Variants in SSBP2 observed in about 807,000 individuals in gnomAD.
SSBP2 encodes the protein single-stranded DNA-binding protein 2.
SSBP2 carries 17 observed loss-of-function variants against 61.8 expected under a neutral mutation model. That is an observed-to-expected ratio of 0.28 (90% CI 0.19 to 0.41). SSBP2 has a LOEUF of 0.41. SSBP2 is among the 10% of genes least tolerant of loss of function. The pLI, the probability that SSBP2 is intolerant of heterozygous loss-of-function variation, is 1.00. For missense variants in SSBP2, 310 were observed against 458.7 expected (o/e 0.68, Z 2.96); for synonymous variants, 139 against 141.3 (o/e 0.98, Z 0.12).
intron 4 of SSBP2, among the ~76,000 whole-genome samples, chr5:81,518,571 T>G (rs1001957393): frequency 6.6e-6 from 1 of 152,094 alleles, no homozygotes; most frequent in African/African-American, 2.4e-5. Flanking sequence ...ATAAATAAAT[T>G]TATGTTCTTT....
intron 6 of SSBP2, among the ~76,000 whole-genome samples, chr5:81,485,005 C>T (rs1474844385): frequency 6.6e-6 from 1 of 152,134 alleles, no homozygotes; most frequent in Admixed American, 6.6e-5. Context: ...TTTGGTGTCA[C>T]TCATATCATT....
chr5:81,529,897 T>A (rs577071074), intron 4 of SSBP2, among the ~76,000 whole-genome samples: 17 of 152,096 alleles, frequency 1.1e-4, no homozygotes, highest in Non-Finnish European at 1.9e-4. Context: ...ATCAACTCAA[T>A]AACATGATGA....
At chr5:81,506,136 G>T in intron 5 of SSBP2, among the ~76,000 whole-genome samples, 1 of 152,042 alleles carries the variant, frequency 6.6e-6, no homozygotes, top group East Asian at 1.9e-4. Flanking sequence ...GCAGCTGTTA[G>T]GCACCTTTGT....
intron 5 of SSBP2, among the ~76,000 whole-genome samples, chr5:81,491,674 GTCC>G (rs1180161829): frequency 1.3e-5 from 2 of 151,866 alleles, no homozygotes; most frequent in Non-Finnish European, 2.9e-5. Context: ...ACTCTTATAT[GTCC>G]TCCTTTAAGT....
In SSBP2 at chr5:81,534,465, T is replaced by C. The variant is rs78388094; in HGVS notation, c.283-20748A>G. On this transcript the variant is annotated intron_variant, in intron 4 of 16. Coordinates refer to ENST00000320672, the MANE Select transcript of SSBP2 (RefSeq NM_012446.5). ...ATATGCAAAGAACTCTAATGGATAATGCAAACAAAATGCAAGAACATATGG... is the reference window on the plus strand; with the variant it reads ...ATATGCAAAGAACTCTAATGGATAACGCAAACAAAATGCAAGAACATATGG... 7.2e-3 allele frequency among the ~76,000 whole-genome samples: 1,096 copies of C among 152,114 alleles called. 22 individuals are homozygous for C. The highest frequency in any genetic ancestry group is 0.025 in the African/African-American group (1,041 of 41,508).
intron 1 of SSBP2, among the ~76,000 whole-genome samples, chr5:81,721,820 T>C (rs1001672791): frequency 2.0e-5 from 3 of 151,966 alleles, no homozygotes; most frequent in Non-Finnish European, 4.4e-5. Context: ...TTTGTAAAAA[T>C]GAAACAAAAA....
Position 81,560,287 on chromosome 5 carries a change from T to C in SSBP2, c.283-46570A>G, listed in dbSNP as rs1011415454. ...GTCTTAAAATATCAAGTCCTTCAAATTAACAATCAGAAGCCTTTTTAAAAT... is the reference window on the plus strand; with the variant it reads ...GTCTTAAAATATCAAGTCCTTCAAACTAACAATCAGAAGCCTTTTTAAAAT... On this transcript the variant is annotated intron_variant, in intron 4 of 16. Coordinates refer to ENST00000320672, the MANE Select transcript of SSBP2 (RefSeq NM_012446.5). Among the ~76,000 whole-genome samples, 7 of 152,300 alleles carry C rather than the reference T, an allele frequency of 4.6e-5. No individual in the cohort carries two copies. The East Asian group carries it at 7.7e-4, about 17-fold the overall frequency.
intron 2 of SSBP2, among the ~76,000 whole-genome samples, chr5:81,643,339 AT>A (rs1188307670): frequency 6.6e-6 from 1 of 152,158 alleles, no homozygotes; most frequent in Non-Finnish European, 1.5e-5. Context: ...TCCTTTCATA[AT>A]TTTTAATTTA....
At chr5:81,578,858 C>A (rs1211830201) in intron 4 of SSBP2, among the ~76,000 whole-genome samples, 1 of 151,688 alleles carries the variant, frequency 6.6e-6, no homozygotes, top group African/African-American at 2.4e-5. Flanking sequence ...TGGGAAAATA[C>A]TAACAAAATG....
At chr5:81,593,814 C>A (rs1007103276) in intron 4 of SSBP2, among the ~76,000 whole-genome samples, 2 of 152,140 alleles carry the variant, frequency 1.3e-5, no homozygotes, top group African/African-American at 4.8e-5. Flanking sequence ...CACCACCAGG[C>A]CTGCCCTAAA....
chr5:81,560,390 A>C (rs1436759867), intron 4 of SSBP2, among the ~76,000 whole-genome samples: 1 of 152,226 alleles, frequency 6.6e-6, no homozygotes, highest in Non-Finnish European at 1.5e-5. Context: ...TTGCAGGAAA[A>C]AAAAAGAAAA....
intron 4 of SSBP2, among the ~76,000 whole-genome samples, chr5:81,606,723 G>A (rs1744914162): frequency 6.6e-6 from 1 of 152,134 alleles, no homozygotes; most frequent in Non-Finnish European, 1.5e-5. Context: ...GTATTTCTCT[G>A]TAGTGAATGA....
At chr5:81,454,008 G>T (rs112926040) in intron 10 of SSBP2, among the ~76,000 whole-genome samples, 1 of 152,138 alleles carries the variant, frequency 6.6e-6, no homozygotes, top group African/African-American at 2.4e-5. Context: ...GACTTTCATG[G>T]GAACTGAAAT....
At chr5:81,502,094 G>C (rs1767837778) in intron 5 of SSBP2, among the ~76,000 whole-genome samples, 1 of 151,866 alleles carries the variant, frequency 6.6e-6, no homozygotes, top group Admixed American at 6.6e-5. Context: ...CCTTGAGTTG[G>C]CCATACTCAT....
chr5:81,660,035 C>G (rs977895186), intron 1 of SSBP2, among the ~76,000 whole-genome samples: 2 of 152,150 alleles, frequency 1.3e-5, no homozygotes, highest in African/African-American at 4.8e-5. Context: ...GAATTAAAGA[C>G]TTAAATGTAA....
At chr5:81,575,614 A>G (rs1774155941) in intron 4 of SSBP2, among the ~76,000 whole-genome samples, 1 of 152,200 alleles carries the variant, frequency 6.6e-6, no homozygotes, top group Non-Finnish European at 1.5e-5. Flanking sequence ...AACAGGAAAC[A>G]GAAAATGAGA....
intron 15 of SSBP2, among the ~76,000 whole-genome samples, chr5:81,433,899 T>C (rs570252934): frequency 6.6e-6 from 1 of 152,358 alleles, no homozygotes; most frequent in South Asian, 2.1e-4. Context: ...GTGCAATTGA[T>C]AGTGTGAGTT....
intron 1 of SSBP2, among the ~76,000 whole-genome samples, chr5:81,742,295 CAAAG>C (rs1337280807): frequency 2.0e-5 from 3 of 151,906 alleles, no homozygotes; most frequent in African/African-American, 7.3e-5. Context: ...TCCTGAAATT[CAAAG>C]AAAGAATACT....
At chr5:81,610,323 T>C (rs765915316) in intron 4 of SSBP2, among the ~76,000 whole-genome samples, 3 of 152,216 alleles carry the variant, frequency 2.0e-5, no homozygotes, top group Non-Finnish European at 2.9e-5. Context: ...AGGATAATCC[T>C]CCCCTACAGC....
Sources: gnomAD v4.1 joint callset for allele counts (sites outside exome capture counted in the v4.1 genomes callset) on GRCh38, gnomAD v4.1.1 for gene constraint, MANE v1.5 for transcripts, NCBI Gene and HGNC (gene_info 2026-07-23, HGNC 2026-07-21) for gene names.